The following SPATA16 variants were observed in gnomAD, a reference collection of about 807,000 sequenced individuals.
SPATA16 encodes spermatogenesis associated 16.
In SPATA16, 36 loss-of-function variants were observed where a neutral mutation model predicts 63.3. That is an observed-to-expected ratio of 0.57 (90% CI 0.44 to 0.75). The LOEUF (loss-of-function observed/expected upper bound fraction) is 0.75, where lower values mean the gene tolerates loss of function less well. Among genes scored for constraint, SPATA16 ranks in the 30% least tolerant of loss-of-function variants. The probability of loss-of-function intolerance (pLI) is 0.00; values close to 1 mark genes in which losing one functional copy is unlikely to be tolerated. For synonymous variants in SPATA16, 203 were observed against 216.7 expected, an observed-to-expected ratio of 0.94 and a Z score of 0.56; for missense variants, 646 against 679.3, an observed-to-expected ratio of 0.95 and a Z score of 0.54.
chr3:173,108,187 G>A (rs1346509702), intron 2 of SPATA16, among the ~76,000 whole-genome samples: 3 of 151,980 alleles, frequency 2.0e-5, no homozygotes, highest in East Asian at 1.9e-4. Flanking sequence ...TGAATTTAAA[G>A]TTTCAGAGAC....
At chr3:173,116,578 T>G (rs1458894309) in intron 2 of SPATA16, among the ~76,000 whole-genome samples, 1 of 152,204 alleles carries the variant, frequency 6.6e-6, no homozygotes, top group Non-Finnish European at 1.5e-5. Context: ...TAAAGATCAC[T>G]AGAATGGGGA....
intron 10 of SPATA16, among the ~76,000 whole-genome samples, chr3:172,893,786 T>C (rs1218705755): frequency 5.3e-5 from 8 of 152,332 alleles, no homozygotes; most frequent in African/African-American, 1.9e-4. Flanking sequence ...ATCTCAAACA[T>C]GAATGAACAA....
At chr3:173,080,611 C>A (rs1736901858) in intron 2 of SPATA16, among the ~76,000 whole-genome samples, 1 of 152,114 alleles carries the variant, frequency 6.6e-6, no homozygotes, top group Admixed American at 6.5e-5. Flanking sequence ...TCAGAGATCA[C>A]TTTCATTGTC....
chr3:172,999,107 A>T (rs1450495668), intron 4 of SPATA16, among the ~76,000 whole-genome samples: 3 of 152,204 alleles, frequency 2.0e-5, no homozygotes, highest in African/African-American at 7.2e-5. Flanking sequence ...AAATTGTGAA[A>T]AATTTGTATA....
chr3:173,074,992 CAA>C (rs35683679), intron 2 of SPATA16, among the ~76,000 whole-genome samples: 19,900 of 65,602 alleles, frequency 0.3, 1,088 homozygotes, highest in South Asian at 0.33. Context: ...GACTCTATCT[CAA>C]AAAAAAAAAA....
At chr3:173,076,819 G>T (rs1736817170) in intron 2 of SPATA16, among the ~76,000 whole-genome samples, 1 of 152,080 alleles carries the variant, frequency 6.6e-6, no homozygotes, top group Non-Finnish European at 1.5e-5. Context: ...TTAATGGAAG[G>T]ATTATGTGGT....
intron 2 of SPATA16, among the ~76,000 whole-genome samples, chr3:173,057,217 T>G (rs186520746): frequency 6.6e-6 from 1 of 151,758 alleles, no homozygotes; most frequent in African/African-American, 2.4e-5. Flanking sequence ...ATTCACGCCA[T>G]TCTCCTGCCT....
chr3:172,927,904 CTTCTTTTTTT>C (rs1732777881), intron 6 of SPATA16, among the ~76,000 whole-genome samples: 1 of 151,876 alleles, frequency 6.6e-6, no homozygotes, highest in African/African-American at 2.4e-5. Flanking sequence ...GATGCTTCTT[CTTCTTTTTTT>C]TTCTTTTTTT....
At chr3:173,074,992 CAAAA>C (rs35683679) in intron 2 of SPATA16, among the ~76,000 whole-genome samples, 13 of 66,808 alleles carry the variant, frequency 1.9e-4, no homozygotes, top group African/African-American at 4.7e-4. Context: ...GACTCTATCT[CAAAA>C]AAAAAAAAAA....
intron 4 of SPATA16, among the ~76,000 whole-genome samples, chr3:172,982,590 G>GT (rs1397838434): frequency 1.3e-5 from 2 of 152,070 alleles, no homozygotes; most frequent in Non-Finnish European, 2.9e-5. Flanking sequence ...AAAATAAAAT[G>GT]TTTTTTATGT....
intron 6 of SPATA16, among the ~76,000 whole-genome samples, chr3:172,931,621 A>T (rs1473732494): frequency 1.3e-5 from 2 of 152,234 alleles, no homozygotes; most frequent in Non-Finnish European, 2.9e-5. Context: ...ATCTGAAAAC[A>T]TACATTCCCA....
chr3:172,950,460 A>G (rs1499634), intron 6 of SPATA16, among the ~76,000 whole-genome samples: 5 of 152,150 alleles, frequency 3.3e-5, no homozygotes, highest in Non-Finnish European at 7.3e-5. Flanking sequence ...TTATAACCAA[A>G]CTGGCTTTAA....
In SPATA16 at chr3:172,923,584, A is replaced by G. The variant is rs186323668; in HGVS notation, c.1338+624T>C. Among the ~76,000 whole-genome samples the G allele has an allele frequency of 6.0e-3, 907 of 152,300 alleles. 3 individuals are homozygous for G. Among genetic ancestry groups the G allele is most frequent in the Non-Finnish European group, 9.2e-3 (624 of 68,020 alleles). ...GCAGCCTTTATAGCCTATTAATGAG[A>G]AGTTCTCTTTATATACTTTCAGTAC... On this transcript the variant is annotated intron_variant, in intron 8 of 10. Transcript: ENST00000351008.
chr3:172,954,882 C>A (rs1733534864), intron 6 of SPATA16, among the ~76,000 whole-genome samples: 1 of 152,200 alleles, frequency 6.6e-6, no homozygotes. Flanking sequence ...AATTTAAATT[C>A]TAGACTCCTT....
At chr3:173,117,047 A>G (rs1737916248) in intron 2 of SPATA16, 73 bp downstream of exon 2, 5 of 1,421,088 alleles carry the variant, frequency 3.5e-6, no homozygotes, top group Non-Finnish European at 5.0e-6. Context: ...TATGGCCAGA[A>G]CCCCTCAATG....
chr3:173,102,976 A>T (rs1310479063), intron 2 of SPATA16, among the ~76,000 whole-genome samples: 1 of 152,236 alleles, frequency 6.6e-6, no homozygotes, highest in Non-Finnish European at 1.5e-5. Context: ...GGGAGAAATC[A>T]GCCAGAAGAA....
At chr3:172,932,740 ATT>A (rs1732899822) in intron 6 of SPATA16, among the ~76,000 whole-genome samples, 1 of 152,126 alleles carries the variant, frequency 6.6e-6, no homozygotes, top group Non-Finnish European at 1.5e-5. Context: ...TGATTTTTAT[ATT>A]TGATATCTGA....
chr3:172,944,680 A>G (rs1004644354), intron 6 of SPATA16, among the ~76,000 whole-genome samples: 6 of 152,256 alleles, frequency 3.9e-5, no homozygotes, highest in African/African-American at 1.4e-4. Context: ...AAAATCTGAC[A>G]TTGGCTACAA....
chr3:173,009,833 C>G (rs911088847), intron 4 of SPATA16, among the ~76,000 whole-genome samples: 4 of 152,394 alleles, frequency 2.6e-5, no homozygotes, highest in South Asian at 2.1e-4. Flanking sequence ...CGAAAGTGCA[C>G]TTCACAGGGC....
Sources: allele counts gnomAD v4.1 joint callset (sites outside exome capture counted in the v4.1 genomes callset), GRCh38; gene constraint gnomAD v4.1.1; transcripts MANE v1.5; gene names NCBI Gene and HGNC (gene_info 2026-07-23, HGNC 2026-07-21).